Variants in PHTF1 observed in about 807,000 individuals in gnomAD.
PHTF1 encodes the protein putative homeodomain transcription factor 1.
Under a neutral mutation model 102.4 loss-of-function variants are expected in PHTF1, and 88 were observed. The observed-to-expected ratio is 0.86, with a 90% confidence interval of 0.72 to 1.03. PHTF1 has a LOEUF of 1.03. PHTF1 is among the 50% of genes least tolerant of loss of function. PHTF1 has a pLI of 0.00. For synonymous variants in PHTF1, 289 were observed against 305.2 expected, an observed-to-expected ratio of 0.95 and a Z score of 0.55; for missense variants, 814 against 909.5, an observed-to-expected ratio of 0.89 and a Z score of 1.35.
Position 113,759,032 on chromosome 1 carries a change from G to C in PHTF1, c.-40C>G, listed in dbSNP as rs1306757422. ...CGCGTCCGGCTCTCACCTAGTGCCC[G>C]TTGCCCCGCGGGCCGGCGCCCGGGA... On this transcript the variant is annotated 5_prime_UTR_variant, in exon 1 of 19. Transcript: ENST00000369604. The C allele has an allele frequency of 1.9e-6, 2 of 1,028,004 alleles. No homozygotes were observed. Among genetic ancestry groups the C allele is most frequent in the Middle Eastern group, 4.6e-4 (1 of 2,178 alleles). 63.7% of individuals were successfully genotyped at this position (1,028,004 alleles called of 1,614,324 possible).
intron 8 of PHTF1, 83 bp downstream of exon 8, chr1:113,713,196 C>A: frequency 8.2e-7 from 1 of 1,213,248 alleles, no homozygotes; most frequent in South Asian, 1.3e-5. Flanking sequence ...CTACTAGTAC[C>A]TATTTTATAT....
chr1:113,707,087 T>G (rs887899910), intron 11 of PHTF1, among the ~76,000 whole-genome samples: 24 of 151,924 alleles, frequency 1.6e-4, no homozygotes, highest in Admixed American at 1.3e-4. Context: ...TAGTCCATGA[T>G]CTCCAAGGTT....
chr1:113,708,596 G>T (rs1043113567), intron 11 of PHTF1, among the ~76,000 whole-genome samples: 13 of 152,054 alleles, frequency 8.5e-5, no homozygotes, highest in Non-Finnish European at 1.8e-4. Flanking sequence ...TTGTGCCAGT[G>T]TACTCCAGCC....
At chr1:113,723,589 C>T (rs1653344055) in intron 7 of PHTF1, among the ~76,000 whole-genome samples, 1 of 152,150 alleles carries the variant, frequency 6.6e-6, no homozygotes. Context: ...AAGAATGAAA[C>T]TAGACCCTTA....
intron 7 of PHTF1, among the ~76,000 whole-genome samples, chr1:113,724,405 G>A (rs755308312): frequency 2.6e-5 from 4 of 151,942 alleles, no homozygotes; most frequent in South Asian, 2.1e-4. Flanking sequence ...TGGGTGTGGC[G>A]GCGGGCACCT....
chr1:113,746,624 C>T (rs1657287195), intron 3 of PHTF1, among the ~76,000 whole-genome samples: 1 of 152,070 alleles, frequency 6.6e-6, no homozygotes, highest in South Asian at 2.1e-4. Context: ...GGTTTTGGCA[C>T]CGGTATAAAT....
chr1:113,705,719 T>C, intron 13 of PHTF1, 171 bp downstream of exon 13: 1 of 622,518 alleles, frequency 1.6e-6, no homozygotes, highest in Non-Finnish European at 2.8e-6. Context: ...ACGTGTAATA[T>C]GTAAATAGTC....
chr1:113,748,048 GCT>G (rs1486569469), intron 3 of PHTF1, among the ~76,000 whole-genome samples: 1 of 152,132 alleles, frequency 6.6e-6, no homozygotes, highest in African/African-American at 2.4e-5. Flanking sequence ...TGTATTCACG[GCT>G]CTCTGCACCT....
In PHTF1 at chr1:113,696,943, C is replaced by G. The variant is rs1013567286; in HGVS notation, c.*762G>C. The G allele has an allele frequency of 2.0e-5, 3 of 152,142 alleles. No homozygotes were observed. Among genetic ancestry groups the G allele is most frequent in the African/African-American group, 7.2e-5 (3 of 41,430 alleles). 9.4% of individuals were successfully genotyped at this position (152,142 alleles called of 1,614,324 possible). A position where few individuals can be genotyped will look rare whatever the true frequency, so the allele number is the denominator to read the frequency against. The stretch of plus-strand genomic sequence containing the variant: ...TGTTAGGAACCACAACTCAGATGAT[C>G]TATATGGAAACAATGCTTCCATGGC... On this transcript the variant is annotated 3_prime_UTR_variant, in exon 19 of 19. Coordinates refer to ENST00000369604, the MANE Select transcript of PHTF1 (RefSeq NM_001323043.2).
At chr1:113,698,744 AACCC>A in intron 17 of PHTF1, 14 of 235,088 alleles carry the variant, frequency 6.0e-5, no homozygotes, top group South Asian at 1.7e-4. Context: ...AGTAGTTATT[AACCC>A]AAAACCATCA....
chr1:113,724,457 C>T (rs534641959), intron 7 of PHTF1, among the ~76,000 whole-genome samples: 3 of 149,758 alleles, frequency 2.0e-5, no homozygotes, highest in Non-Finnish European at 4.4e-5. Flanking sequence ...AGGAGAATCG[C>T]TTGAACTCAA....
At chr1:113,755,756 A>T (rs1658762471) in intron 3 of PHTF1, among the ~76,000 whole-genome samples, 1 of 152,198 alleles carries the variant, frequency 6.6e-6, no homozygotes. Context: ...GACATGGAAA[A>T]GAGTGAAGGA....
intron 3 of PHTF1, among the ~76,000 whole-genome samples, chr1:113,742,143 C>T (rs547152321): frequency 6.6e-6 from 1 of 152,112 alleles, no homozygotes; most frequent in Non-Finnish European, 1.5e-5. Context: ...TTCACTGTTG[C>T]CTGAACATCA....
intron 3 of PHTF1, among the ~76,000 whole-genome samples, chr1:113,750,490 AAAGAT>A (rs1465341088): frequency 1.3e-5 from 2 of 152,148 alleles, no homozygotes; most frequent in South Asian, 2.1e-4. Flanking sequence ...ACAAAAAAGA[AAAGAT>A]AATATTAATT....
chr1:113,757,964 T>C (rs1191088942), intron 2 of PHTF1, among the ~76,000 whole-genome samples: 1 of 152,194 alleles, frequency 6.6e-6, no homozygotes, highest in African/African-American at 2.4e-5. Context: ...TCAAAAGCAA[T>C]GCCCAAAATA....
In PHTF1 at chr1:113,757,705, C is replaced by T. The variant is rs1454512994; in HGVS notation, c.96G>A (p.Gln32=). Residue 32 remains glutamine (Q), a synonymous_variant, in exon 3 of 19, where the codon CAG becomes CAA. Transcript: ENST00000369604. Reference sequence around the variant, plus strand: ...ATCAAAGAAATCAATTTACCTTAATCTGAGTCTGTTCGATTGACTTTTCCC... The same window carrying T: ...ATCAAAGAAATCAATTTACCTTAATTTGAGTCTGTTCGATTGACTTTTCCC... The part of the protein sequence containing the change: ...QIWEKSIEQT[Q]IKGLKNKPKK... 3 of 1,601,754 alleles carry T rather than the reference C, an allele frequency of 1.9e-6. No homozygotes were observed. The highest frequency in any genetic ancestry group is 2.6e-6 in the Non-Finnish European group (3 of 1,168,860).
At chr1:113,757,383 T>C (rs1260741068) in intron 3 of PHTF1, among the ~76,000 whole-genome samples, 1 of 152,168 alleles carries the variant, frequency 6.6e-6, no homozygotes, top group African/African-American at 2.4e-5. Context: ...TCTTGAAAAA[T>C]CTGAAACTCT....
At chr1:113,734,462 TAC>T (rs1655174403) in intron 5 of PHTF1, among the ~76,000 whole-genome samples, 2 of 152,218 alleles carry the variant, frequency 1.3e-5, no homozygotes, top group African/African-American at 4.8e-5. Context: ...CAATCCTTGT[TAC>T]AGAGTGGTAA....
intron 16 of PHTF1, 78 bp downstream of exon 16, chr1:113,700,716 C>T (rs1649340973): frequency 1.5e-6 from 2 of 1,370,292 alleles, no homozygotes; most frequent in South Asian, 2.5e-5. Flanking sequence ...TGATTAAACC[C>T]TGAATCCTCT....
Sources: allele counts gnomAD v4.1 joint callset (sites outside exome capture counted in the v4.1 genomes callset), GRCh38; gene constraint gnomAD v4.1.1; transcripts MANE v1.5; gene names NCBI Gene and HGNC (gene_info 2026-07-23, HGNC 2026-07-21).